SPATA17: variants seen among roughly 807,000 people sequenced by gnomAD.
SPATA17 encodes the protein spermatogenesis-associated protein 17.
A neutral mutation model predicts 62.2 loss-of-function variants in SPATA17; 53 were observed. That is an observed-to-expected ratio of 0.85 (90% CI 0.68 to 1.07). The LOEUF (loss-of-function observed/expected upper bound fraction) is 1.07, where lower values mean the gene tolerates loss of function less well. Among genes scored for constraint, SPATA17 ranks in the 50% least tolerant of loss-of-function variants. The pLI is 0.00. For synonymous variants in SPATA17, 146 were observed against 146.8 expected, an observed-to-expected ratio of 0.99 and a Z score of 0.04; for missense variants, 466 against 425.5, an observed-to-expected ratio of 1.10 and a Z score of -0.84.
At chr1:217,749,980 T>TCC (rs2102954725) in intron 6 of SPATA17, among the ~76,000 whole-genome samples, 1 of 72,590 alleles carries the variant, frequency 1.4e-5, no homozygotes, top group South Asian at 4.1e-4. Flanking sequence ...TCTCTCTCTC[T>TCC]CTCTCTATAT....
rs192814662 is a variant in SPATA17, at chr1:217,784,648, A to G, written c.872+2326A>G. ...GAGAAAATGAGTATAAAGTGTCAGG[A>G]ACATAGTAGGGTCTTAATAAAAGAG... On this transcript the variant is annotated intron_variant, in intron 8 of 10. Coordinates refer to ENST00000366933, the MANE Select transcript of SPATA17 (RefSeq NM_138796.4). Among the ~76,000 whole-genome samples the G allele has an allele frequency of 3.9e-5, 6 of 152,302 alleles. No homozygotes were observed. In the East Asian group the frequency reaches 1.2e-3, roughly 29 times the overall value.
intron 7 of SPATA17, 72 bp from the exon 8 acceptor site, chr1:217,782,102 C>T (rs182012096): frequency 1.9e-5 from 27 of 1,421,416 alleles, no homozygotes; most frequent in Non-Finnish European, 2.5e-5. Context: ...TAGATGTTCA[C>T]TAGCCTTGGT....
intron 9 of SPATA17, among the ~76,000 whole-genome samples, chr1:217,844,807 T>C (rs1675487247): frequency 6.6e-6 from 1 of 152,128 alleles, no homozygotes; most frequent in African/African-American, 2.4e-5. Flanking sequence ...ACAACCTTTT[T>C]CTCTTAATAG....
chr1:217,779,189 G>C (rs1673672668), intron 7 of SPATA17, among the ~76,000 whole-genome samples: 1 of 151,092 alleles, frequency 6.6e-6, no homozygotes. Flanking sequence ...TATGGAGAGA[G>C]AGAAATATTT....
intron 9 of SPATA17, among the ~76,000 whole-genome samples, chr1:217,855,371 TCTAA>T (rs759885437): frequency 6.6e-6 from 1 of 152,210 alleles, no homozygotes; most frequent in South Asian, 2.1e-4. Flanking sequence ...TACAGATCAT[TCTAA>T]CTAACACATT....
chr1:217,826,804 A>C (rs185320095), intron 9 of SPATA17, among the ~76,000 whole-genome samples: 31 of 152,194 alleles, frequency 2.0e-4, no homozygotes, highest in African/African-American at 7.2e-4. Context: ...TTATGGTTCA[A>C]ATTCCAGATA....
At chr1:217,849,489 G>T (rs547428582) in intron 9 of SPATA17, among the ~76,000 whole-genome samples, 2 of 152,054 alleles carry the variant, frequency 1.3e-5, no homozygotes, top group East Asian at 3.9e-4. Flanking sequence ...ACAAAACTTT[G>T]TTGACCTCTT....
chr1:217,698,442 C>CA (rs376250995), intron 5 of SPATA17, among the ~76,000 whole-genome samples: 71 of 143,076 alleles, frequency 5.0e-4, no homozygotes, highest in East Asian at 1.0e-3. Flanking sequence ...CCCCTCCCAC[C>CA]AAAAAAAAAA....
At chr1:217,674,040 A>G (rs774435826) in intron 4 of SPATA17, among the ~76,000 whole-genome samples, 22 of 152,284 alleles carry the variant, frequency 1.4e-4, no homozygotes, top group South Asian at 4.1e-4. Flanking sequence ...CAGGGGGAAA[A>G]TAACCCAAGA....
intron 9 of SPATA17, among the ~76,000 whole-genome samples, chr1:217,843,497 G>C (rs994384964): frequency 1.3e-5 from 2 of 151,956 alleles, no homozygotes; most frequent in African/African-American, 4.8e-5. Flanking sequence ...ATATCATGAA[G>C]CTTTATTTAA....
rs371749917 is a variant in SPATA17 at position 217,773,559 on chromosome 1, C to T, written c.520-775C>T. On this transcript the variant is annotated intron_variant, in intron 6 of 10. Coordinates refer to ENST00000366933, the MANE Select transcript of SPATA17 (RefSeq NM_138796.4). The stretch of plus-strand genomic sequence containing the variant: ...AACATTAAATTTTCAAAAATAGACA[C>T]GCTAAATTTGACTTAACATTTGTCA... Among the ~76,000 whole-genome samples, 29 of 152,128 alleles carry T rather than the reference C, an allele frequency of 1.9e-4. 1 individual carries two copies. Among genetic ancestry groups the T allele is most frequent in the African/African-American group, 2.6e-4 (11 of 41,528 alleles).
chr1:217,742,949 AAT>A (rs10559433), intron 6 of SPATA17, among the ~76,000 whole-genome samples: 65,697 of 145,902 alleles, frequency 0.45, 16,008 homozygotes, highest in Non-Finnish European at 0.57. Context: ...TCCAAATTAA[AAT>A]ATATATATAT....
At chr1:217,709,143 A>T (rs914620290) in intron 5 of SPATA17, among the ~76,000 whole-genome samples, 1 of 152,180 alleles carries the variant, frequency 6.6e-6, no homozygotes, top group Non-Finnish European at 1.5e-5. Context: ...TTGCTTTTTC[A>T]CATTTCCTTA....
At chr1:217,742,969 T>TA (rs1491481913) in intron 6 of SPATA17, among the ~76,000 whole-genome samples, 6 of 144,772 alleles carry the variant, frequency 4.1e-5, no homozygotes, top group African/African-American at 1.5e-4. Context: ...TATATATATA[T>TA]TAAATCCTGG....
chr1:217,700,237 A>T (rs1671563008), intron 5 of SPATA17, among the ~76,000 whole-genome samples: 1 of 152,184 alleles, frequency 6.6e-6, no homozygotes, highest in African/African-American at 2.4e-5. Flanking sequence ...TTAAATCTGT[A>T]GACCAATTTG....
intron 6 of SPATA17, among the ~76,000 whole-genome samples, chr1:217,756,322 G>GT (rs1673041202): frequency 1.8e-5 from 2 of 111,652 alleles, no homozygotes; most frequent in Admixed American, 1.6e-4. Flanking sequence ...TATTTTTTGT[G>GT]GTTTTTTTTT....
chr1:217,709,177 T>C (rs1671803451), intron 5 of SPATA17, among the ~76,000 whole-genome samples: 1 of 152,150 alleles, frequency 6.6e-6, no homozygotes, highest in African/African-American at 2.4e-5. Flanking sequence ...TGAAAATCAC[T>C]GGGATCAGGA....
chr1:217,777,291 G>T (rs1022943327), intron 7 of SPATA17, among the ~76,000 whole-genome samples: 2 of 151,892 alleles, frequency 1.3e-5, no homozygotes, highest in Admixed American at 1.3e-4. Flanking sequence ...GGTTTATACT[G>T]TCTTAGAGAA....
At position 217,665,161 on chromosome 1, in the gene SPATA17, G is replaced by GA. The variant is rs1484839505; in HGVS notation, c.241-3866dup. 3.4e-4 allele frequency: 52 copies of GA among 152,072 alleles called. 1 individual carries two copies. The highest frequency in any genetic ancestry group is 3.4e-3 in the Admixed American group (52 of 15,270). 9.4% of individuals were successfully genotyped at this position (152,072 alleles called of 1,614,324 possible). A position where few individuals can be genotyped will look rare whatever the true frequency, so the allele number is the denominator to read the frequency against. On this transcript the variant is annotated intron_variant, in intron 3 of 10. Transcript: ENST00000366933. ...CCCACGTTGTAATTCACTTGATAGA[G>GA]AAAAAATAAACCTAAATATGGGATA...
Sources: allele counts gnomAD v4.1 joint callset (sites outside exome capture counted in the v4.1 genomes callset), GRCh38; gene constraint gnomAD v4.1.1; transcripts MANE v1.5; gene names NCBI Gene and HGNC (gene_info 2026-07-23, HGNC 2026-07-21).